Variants in BTBD8 observed in about 807,000 individuals in gnomAD.
BTBD8 encodes the protein BTB/POZ domain-containing protein 8.
In BTBD8, 110 loss-of-function variants were observed where a neutral mutation model predicts 162.9. That is an observed-to-expected ratio of 0.68 (90% CI 0.58 to 0.79). The LOEUF (loss-of-function observed/expected upper bound fraction) is 0.79, where lower values mean the gene tolerates loss of function less well. BTBD8 is among the 30% of genes least tolerant of loss of function. The pLI, the probability that BTBD8 is intolerant of heterozygous loss-of-function variation, is 0.00. For missense variants in BTBD8, 1,905 were observed against 2,085.4 expected (o/e 0.91, Z 1.68); for synonymous variants, 667 against 716.1 (o/e 0.93, Z 1.10).
At chr1:92,144,982 G>A (rs1483921215) in intron 7 of BTBD8, among the ~76,000 whole-genome samples, 1 of 151,912 alleles carries the variant, frequency 6.6e-6, no homozygotes, top group South Asian at 2.1e-4. Flanking sequence ...TTTGAGATGA[G>A]TCTCACTCAT....
At chr1:92,178,063 C>T (rs998932054) in intron 15 of BTBD8, among the ~76,000 whole-genome samples, 165 bp downstream of exon 15, 2 of 151,844 alleles carry the variant, frequency 1.3e-5, no homozygotes, top group Non-Finnish European at 2.9e-5. Context: ...TTAGTATATG[C>T]AAAATGATTG....
chr1:92,167,421 C>T (rs1293408886), intron 10 of BTBD8, among the ~76,000 whole-genome samples: 2 of 152,202 alleles, frequency 1.3e-5, no homozygotes, highest in Non-Finnish European at 2.9e-5. Context: ...TTTTAGAAAC[C>T]AAAGTCATAA....
intron 2 of BTBD8, among the ~76,000 whole-genome samples, chr1:92,089,965 A>T (rs1012833943): frequency 6.6e-6 from 1 of 152,170 alleles, no homozygotes; most frequent in Non-Finnish European, 1.5e-5. Context: ...ATTAATCTTC[A>T]TTCTGTACTT....
chr1:92,081,153 T>C (rs560622801), intron 1 of BTBD8, among the ~76,000 whole-genome samples: 2 of 152,300 alleles, frequency 1.3e-5, no homozygotes, highest in Admixed American at 6.5e-5. Flanking sequence ...AATACTATAG[T>C]CTTGGAGGTC....
chr1:92,102,412 ATTCT>A lies in BTBD8; in HGVS notation c.348-54_348-51del. On this transcript the variant is annotated intron_variant, in intron 2 of 17. Transcript: ENST00000636805. ...AAAGTAGCACACTAAGGAAACTAGC[ATTCT>A]TTCTTTTTAAGAATCACCAATGTTA... 3.4e-6 allele frequency: 4 copies of A among 1,184,140 alleles called. No individual in the cohort carries two copies. The South Asian group carries it at 9.9e-5, about 29-fold the overall frequency. The allele number at this position is 1,184,140 out of a possible 1,614,324, so 73.4% of individuals were successfully genotyped here. A position where few individuals can be genotyped will look rare whatever the true frequency, so the allele number is the denominator to read the frequency against.
At position 92,182,330 on chromosome 1, in the gene BTBD8, T is replaced by C; in HGVS notation, c.4647T>C (p.Leu1549=). 1.9e-6 allele frequency: 3 copies of C among 1,550,736 alleles called. No homozygotes were observed. Among genetic ancestry groups the C allele is most frequent in the African/African-American group, 1.4e-5 (1 of 73,054 alleles). ...TCCTATCCAGTAGAAGCAGACAGCTTCTTCGAGAAGATAAAAAAGTAAACA... is the reference window on the plus strand; with the variant it reads ...TCCTATCCAGTAGAAGCAGACAGCTCCTTCGAGAAGATAAAAAAGTAAACA... ...IDVLSSRSRQ[L]LREDKKVNNG... Residue 1549 remains leucine (L), a synonymous_variant, in exon 17 of 18, where the codon CTT becomes CTC. Coordinates refer to ENST00000636805, the MANE Select transcript of BTBD8 (RefSeq NM_001376131.1).
At chr1:92,100,599 G>GCAT (rs1467615788) in intron 2 of BTBD8, among the ~76,000 whole-genome samples, 2 of 151,300 alleles carry the variant, frequency 1.3e-5, no homozygotes, top group African/African-American at 4.9e-5. Context: ...TACTTTTTTG[G>GCAT]CATTATTATT....
At chr1:92,171,298 A>G in intron 12 of BTBD8, 101 bp from the exon 13 acceptor site, 1 of 838,594 alleles carries the variant, frequency 1.2e-6, no homozygotes, top group Non-Finnish European at 1.8e-6. Context: ...AGTTATTTCC[A>G]TCAAAATATA....
rs1395543163 is a variant in BTBD8 at position 92,097,929 on chromosome 1, G to A, written c.348-4544G>A. ...AAGTTTCTAAGGGTCTTCTCCTGGT[G>A]GGAGCACAGAGGACATGCCTAATTT... On this transcript the variant is annotated intron_variant, in intron 2 of 17. Transcript: ENST00000636805. 2.0e-5 allele frequency among the ~76,000 whole-genome samples: 3 copies of A among 152,198 alleles called. No homozygotes were observed. The East Asian group carries it at 5.8e-4, about 29-fold the overall frequency.
At position 92,130,852 on chromosome 1, in the gene BTBD8, G is replaced by A. The variant is rs140908200; in HGVS notation, c.752+1076G>A. Among the ~76,000 whole-genome samples the A allele has an allele frequency of 2.3e-3, 347 of 152,104 alleles. 5 individuals are homozygous for A. Among genetic ancestry groups the A allele is most frequent in the African/African-American group, 7.3e-3 (304 of 41,500 alleles). On this transcript the variant is annotated intron_variant, in intron 5 of 17. Coordinates refer to ENST00000636805, the MANE Select transcript of BTBD8 (RefSeq NM_001376131.1). ...TGAGTAGCTGGGATTACAGGCATGC[G>A]CCACCACGCCTGGCTAATTTTTGTA...
rs1402268998 is a variant in BTBD8 at position 92,175,756 on chromosome 1, C to G, written c.1636-1073C>G. Among the ~76,000 whole-genome samples, 10 of 151,774 alleles carry G rather than the reference C, an allele frequency of 6.6e-5. No homozygotes were observed. In the East Asian group the frequency reaches 1.9e-3, roughly 29 times the overall value. ...GTTGCAGTGAGCCAAGACTGGGCCACTGCACTCCAGCCTGGGTGACAGAGC... is the reference window on the plus strand; with the variant it reads ...GTTGCAGTGAGCCAAGACTGGGCCAGTGCACTCCAGCCTGGGTGACAGAGC... On this transcript the variant is annotated intron_variant, in intron 13 of 17. Coordinates refer to ENST00000636805, the MANE Select transcript of BTBD8 (RefSeq NM_001376131.1).
In BTBD8 at chr1:92,177,060, C is replaced by A; in HGVS notation, c.1867C>A (p.Leu623Ile). The part of the protein sequence containing the change: ...TKIASKITKE[L>I]KTGGKNVSGK... ...AATAGCATCTAAGATTACAAAAGAA[C>A]TAAAAACTGGGGGAAAAAATGTTTC... is the stretch of plus-strand genomic sequence containing the variant. The change falls in exon 14 of 18, where the codon CTA (leucine) becomes ATA (isoleucine). Residue 623 changes from leucine to isoleucine, a missense_variant. Physicochemically the swap from Leu to Ile is conservative, Grantham distance 5. This residue lies in a region of BTBD8 where 1,374 missense variants were observed against 1,442.7 expected (regional missense o/e 0.95). Coordinates refer to ENST00000636805, the MANE Select transcript of BTBD8 (RefSeq NM_001376131.1). 1 of 1,551,116 alleles carries A rather than the reference C, an allele frequency of 6.4e-7. No homozygotes were observed. The highest frequency in any genetic ancestry group is 2.4e-5 in the East Asian group (1 of 40,922).
In BTBD8 at chr1:92,182,608, A is replaced by T. The variant is rs1557470292; in HGVS notation, c.4912+13A>T. 12 of 1,423,150 alleles carry T rather than the reference A, an allele frequency of 8.4e-6. No homozygotes were observed. The highest frequency in any genetic ancestry group is 1.1e-5 in the Non-Finnish European group (12 of 1,083,278). 88.2% of individuals were successfully genotyped at this position (1,423,150 alleles called of 1,614,324 possible). A position where few individuals can be genotyped will look rare whatever the true frequency, so the allele number is the denominator to read the frequency against. On this transcript the variant is annotated intron_variant, in intron 17 of 17. Transcript: ENST00000636805. Reference sequence around the variant, plus strand: ...GCTTTATCTGCAGGTAATGTACAGAAATAGAAATGCTAAATGCATAAGAAA... The same window carrying T: ...GCTTTATCTGCAGGTAATGTACAGATATAGAAATGCTAAATGCATAAGAAA...
At chr1:92,120,061 C>T (rs997602960) in intron 4 of BTBD8, among the ~76,000 whole-genome samples, 4 of 151,834 alleles carry the variant, frequency 2.6e-5, no homozygotes, top group Non-Finnish European at 5.9e-5. Flanking sequence ...CCACCACGCC[C>T]GGCTAATTTT....
chr1:92,150,922 C>T (rs753429203), intron 9 of BTBD8: 6 of 152,120 alleles, frequency 3.9e-5, no homozygotes, highest in Non-Finnish European at 8.8e-5. Flanking sequence ...TCACGAACCT[C>T]CTATGTATAT....
At chr1:92,111,242 C>T (rs922313164) in intron 4 of BTBD8, among the ~76,000 whole-genome samples, 7 of 152,146 alleles carry the variant, frequency 4.6e-5, no homozygotes, top group Non-Finnish European at 1.0e-4. Context: ...ATCTGCCCAC[C>T]TCAGCCTCCC....
At chr1:92,139,229 A>G in intron 5 of BTBD8, 121 bp from the exon 6 acceptor site, 1 of 1,031,736 alleles carries the variant, frequency 9.7e-7, no homozygotes, top group Non-Finnish European at 1.4e-6. Flanking sequence ...TGAAGAGTAT[A>G]TTCTTCAGGT....
At chr1:92,106,925 G>A (rs1648744606) in intron 3 of BTBD8, among the ~76,000 whole-genome samples, 1 of 151,702 alleles carries the variant, frequency 6.6e-6, no homozygotes. Flanking sequence ...AAACATAAAA[G>A]TAGCTGAGCA....
Position 92,178,317 on chromosome 1 carries a change from T to C in BTBD8, c.2447T>C (p.Leu816Pro), listed in dbSNP as rs984499502. 6 of 1,549,300 alleles carry C rather than the reference T, an allele frequency of 3.9e-6. No homozygotes were observed. Among genetic ancestry groups the C allele is most frequent in the Middle Eastern group, 1.7e-4 (1 of 6,006 alleles). Residue 816 changes from leucine (L) to proline (P), a missense_variant, in exon 16 of 18, where the codon CTA (leucine) becomes CCA (proline). Coordinates refer to ENST00000636805, the MANE Select transcript of BTBD8 (RefSeq NM_001376131.1). ...EQDTNVNNSVLKKVSGKGCSE... is the reference protein window; with the variant it reads ...EQDTNVNNSVPKKVSGKGCSE... ...ATGCAAATAATTTTTTTTAGTGTAC[T>C]AAAGAAAGTCAGTGGCAAAGGATGT...
Sources: gnomAD v4.1 joint callset for allele counts (sites outside exome capture counted in the v4.1 genomes callset) on GRCh38, gnomAD v4.1.1 for gene constraint, gnomAD v4.1.1 regional missense constraint, MANE v1.5 for transcripts, NCBI Gene and HGNC (gene_info 2026-07-23, HGNC 2026-07-21) for gene names.